NDUFAF7: variants seen among roughly 807,000 people sequenced by gnomAD.
NDUFAF7 encodes the protein protein arginine methyltransferase NDUFAF7, mitochondrial.
In NDUFAF7, 48 loss-of-function variants were observed where a neutral mutation model predicts 47.2. That is an observed-to-expected ratio of 1.02 (90% CI 0.81 to 1.29). NDUFAF7 has a LOEUF of 1.29. NDUFAF7 is among the 50% of genes most tolerant of loss of function. The pLI is 0.00. For missense variants in NDUFAF7, 635 were observed against 537.6 expected (o/e 1.18, Z -1.79); for synonymous variants, 217 against 190.0 (o/e 1.14, Z -1.17).
At chr2:37,237,561 C>T (rs1665925719) in intron 3 of NDUFAF7, among the ~76,000 whole-genome samples, 196 bp from the exon 4 acceptor site, 1 of 152,110 alleles carries the variant, frequency 6.6e-6, no homozygotes, top group African/African-American at 2.4e-5. Context: ...TATTAATCTT[C>T]CTAAATGGTG....
chr2:37,258,851 G>T, the NDUFAF7 span, among the ~76,000 whole-genome samples: 1 of 152,122 alleles, frequency 6.6e-6, no homozygotes, highest in South Asian at 2.1e-4. Context: ...TTGTCTAAAT[G>T]TACATGTTTC....
chr2:37,255,784 T>C (rs143682107), downstream of NDUFAF7, among the ~76,000 whole-genome samples: 1 of 152,210 alleles, frequency 6.6e-6, no homozygotes, highest in African/African-American at 2.4e-5. Context: ...GTTGGGAAGA[T>C]CAATTGAGTG....
rs548074503 is a variant in NDUFAF7, at chr2:37,239,127, T to C, written c.408+1260T>C. On this transcript the variant is annotated intron_variant, in intron 4 of 9. Coordinates refer to ENST00000002125, the MANE Select transcript of NDUFAF7 (RefSeq NM_144736.5). Reference sequence around the variant, plus strand: ...ATCCTTTTTTCTTTCTCTTTTTTTTTTTTTTTTTTGAGACACAGTCTCACT... The same window carrying C: ...ATCCTTTTTTCTTTCTCTTTTTTTTCTTTTTTTTTGAGACACAGTCTCACT... Among the ~76,000 whole-genome samples, 24 of 150,222 alleles carry C rather than the reference T, an allele frequency of 1.6e-4. No homozygotes were observed. In the South Asian group the frequency reaches 5.0e-3, roughly 32 times the overall value.
At chr2:37,245,776 C>T (rs1188686068) in intron 7 of NDUFAF7, among the ~76,000 whole-genome samples, 1 of 152,064 alleles carries the variant, frequency 6.6e-6, no homozygotes. Context: ...AATGATAATG[C>T]TCTAGGCCAT....
At chr2:37,260,918 A>G in the NDUFAF7 span, among the ~76,000 whole-genome samples, 1 of 152,226 alleles carries the variant, frequency 6.6e-6, no homozygotes, top group Non-Finnish European at 1.5e-5. Context: ...CTAGGTTACA[A>G]GGGTTGGAGA....
chr2:37,255,825 G>A (rs1241267185), downstream of NDUFAF7, among the ~76,000 whole-genome samples: 2 of 152,152 alleles, frequency 1.3e-5, no homozygotes, highest in Non-Finnish European at 2.9e-5. Flanking sequence ...GGGCAACATA[G>A]TGGGACCCCA....
chr2:37,237,198 G>A (rs1035764637), intron 3 of NDUFAF7, among the ~76,000 whole-genome samples: 5 of 152,130 alleles, frequency 3.3e-5, no homozygotes, highest in East Asian at 1.9e-4. Context: ...TTGAACTCCC[G>A]ACCTCAGGTG....
chr2:37,248,431 C>A lies in NDUFAF7; in HGVS notation c.*81C>A. ...AACACATTTCATATACTGCAGGTAACAAAAGTCAAAGTATTTTATCTTTTC... is the reference window on the plus strand; with the variant it reads ...AACACATTTCATATACTGCAGGTAAAAAAAGTCAAAGTATTTTATCTTTTC... On this transcript the variant is annotated 3_prime_UTR_variant, in exon 10 of 10. Coordinates refer to ENST00000002125, the MANE Select transcript of NDUFAF7 (RefSeq NM_144736.5). 1 of 1,299,326 alleles carries A rather than the reference C, an allele frequency of 7.7e-7. No individual in the cohort carries two copies. The highest frequency in any genetic ancestry group is 1.7e-5 in the Admixed American group (1 of 59,278). 80.5% of individuals were successfully genotyped at this position (1,299,326 alleles called of 1,614,324 possible). A position where few individuals can be genotyped will look rare whatever the true frequency, so the allele number is the denominator to read the frequency against.
chr2:37,260,338 G>A, the NDUFAF7 span: 1 of 1,611,128 alleles, frequency 6.2e-7, no homozygotes, highest in Non-Finnish European at 8.5e-7. Flanking sequence ...TCGTTCTGGG[G>A]TTTCAAACAT....
chr2:37,265,215 G>T, the NDUFAF7 span, among the ~76,000 whole-genome samples: 1 of 152,172 alleles, frequency 6.6e-6, no homozygotes, highest in Non-Finnish European at 1.5e-5. Flanking sequence ...GATACAGTTG[G>T]ATGGGGAAGA....
chr2:37,249,375 G>C (rs1667266483), downstream of NDUFAF7, among the ~76,000 whole-genome samples: 1 of 151,964 alleles, frequency 6.6e-6, no homozygotes. Context: ...ATATGAGTTG[G>C]AGACCAGCCT....
intron 2 of NDUFAF7, 69 bp downstream of exon 2, chr2:37,232,335 AAGCCCGAAGGTTCTC>A: frequency 6.3e-7 from 1 of 1,593,472 alleles, no homozygotes; most frequent in Non-Finnish European, 8.6e-7. Flanking sequence ...CAGGAGGGAG[AAGCCCGAAGGTTCTC>A]AGCCCAGGCA....
In NDUFAF7 at chr2:37,246,008, T is replaced by G. The variant is rs116153941; in HGVS notation, c.793-44T>G. On this transcript the variant is annotated intron_variant, in intron 7 of 9. Transcript: ENST00000002125. ...CTGAAAAACCGTAAGGAAGTCATTC[T>G]TTTGAATGATGCATTTTGACTCTTG... is the stretch of plus-strand genomic sequence containing the variant. The G allele has an allele frequency of 6.7e-4, 1,071 of 1,605,204 alleles. 7 individuals carry two copies. In the African/African-American group the frequency reaches 0.013, roughly 20 times the overall value.
At chr2:37,242,519 AATTC>A (rs1012062058) in intron 5 of NDUFAF7, 112 bp from the exon 6 acceptor site, 47 of 753,162 alleles carry the variant, frequency 6.2e-5, no homozygotes, top group Middle Eastern at 3.6e-4. Context: ...AGAGGTAGAT[AATTC>A]TGTGGTAGTG....
At chr2:37,262,005 A>G in the NDUFAF7 span, among the ~76,000 whole-genome samples, 4 of 152,210 alleles carry the variant, frequency 2.6e-5, no homozygotes, top group Admixed American at 6.5e-5. Context: ...ACTGTAGGCT[A>G]ATGTAAGCGA....
At chr2:37,250,248 T>C (rs182490190), downstream of NDUFAF7, among the ~76,000 whole-genome samples, 629 of 152,258 alleles carry the variant, frequency 4.1e-3, 6 homozygotes, top group African/African-American at 0.014. Flanking sequence ...TTTTCTTTTT[T>C]CAAAGACTTG....
chr2:37,239,984 C>T (rs1309561145), intron 4 of NDUFAF7, among the ~76,000 whole-genome samples: 1 of 152,106 alleles, frequency 6.6e-6, no homozygotes, highest in East Asian at 1.9e-4. Flanking sequence ...TTCTATCAGT[C>T]TACGTACTAT....
At chr2:37,242,555 A>T (rs550371591) in intron 5 of NDUFAF7, 80 bp from the exon 6 acceptor site, 2 of 1,187,052 alleles carry the variant, frequency 1.7e-6, no homozygotes, top group Non-Finnish European at 1.2e-6. Flanking sequence ...GGAAGTAGGC[A>T]TTTTTTTTAC....
At chr2:37,251,220 AATTTG>A (rs1480812610), downstream of NDUFAF7, 1 of 152,602 alleles carries the variant, frequency 6.6e-6, no homozygotes, top group Non-Finnish European at 1.5e-5. Flanking sequence ...TTTGAAAATT[AATTTG>A]ATTTAATCTT....
Sources: gnomAD v4.1 joint callset for allele counts (sites outside exome capture counted in the v4.1 genomes callset) on GRCh38, gnomAD v4.1.1 for gene constraint, MANE v1.5 for transcripts, NCBI Gene and HGNC (gene_info 2026-07-23, HGNC 2026-07-21) for gene names.